ITPR2: variants seen among roughly 807,000 people sequenced by gnomAD.
ITPR2 encodes inositol 1,4,5-trisphosphate receptor type 2, also known as inositol 1,4,5-trisphosphate-gated calcium channel ITPR2.
In ITPR2, 207 loss-of-function variants were observed where a neutral mutation model predicts 317.1. The ratio of observed to expected loss-of-function variants is 0.65; its 90% confidence interval spans 0.58 to 0.73. The LOEUF (loss-of-function observed/expected upper bound fraction) is 0.73, where lower values mean the gene tolerates loss of function less well. ITPR2 is among the 30% of genes least tolerant of loss of function. The probability of loss-of-function intolerance (pLI) is 0.00; values close to 1 mark genes in which losing one functional copy is unlikely to be tolerated. For synonymous variants in ITPR2, 1,156 were observed against 1,149.1 expected, an observed-to-expected ratio of 1.01 and a Z score of -0.12; for missense variants, 2,613 against 3,284.0, an observed-to-expected ratio of 0.80 and a Z score of 4.99.
rs186586652 is a variant in ITPR2, at chr12:26,476,828, C to G, written c.6219+84G>C. On this transcript the variant is annotated intron_variant, in intron 44 of 56. Transcript: ENST00000381340. ...TCTTGGTAGAGCAATGAAAATCAATCAACTTTTTTTTCTGACATGCATTCT... is the reference window on the plus strand; with the variant it reads ...TCTTGGTAGAGCAATGAAAATCAATGAACTTTTTTTTCTGACATGCATTCT... 11 of 798,396 alleles carry G rather than the reference C, an allele frequency of 1.4e-5. No homozygotes were observed. The East Asian group carries it at 2.3e-4, about 17-fold the overall frequency. 49.5% of individuals were successfully genotyped at this position (798,396 alleles called of 1,614,324 possible). A position where few individuals can be genotyped will look rare whatever the true frequency, so the allele number is the denominator to read the frequency against.
At chr12:26,590,912 T>C (rs959233218) in intron 32 of ITPR2, among the ~76,000 whole-genome samples, 1 of 151,834 alleles carries the variant, frequency 6.6e-6, no homozygotes, top group Non-Finnish European at 1.5e-5. Flanking sequence ...AAACCCCGTC[T>C]CTACTAAAAA....
chr12:26,658,271 GTTGT>G (rs552422724), intron 16 of ITPR2, 141 bp from the exon 17 acceptor site: 58 of 467,674 alleles, frequency 1.2e-4, no homozygotes, highest in Non-Finnish European at 1.9e-4. Flanking sequence ...TGTCTAATGT[GTTGT>G]TTATCTACTG....
intron 28 of ITPR2, among the ~76,000 whole-genome samples, chr12:26,601,138 T>G (rs1217458951): frequency 6.6e-6 from 1 of 152,198 alleles, no homozygotes; most frequent in African/African-American, 2.4e-5. Context: ...TGTGACAACA[T>G]CAGTGAAACT....
chr12:26,446,613 T>C (rs903307659), intron 45 of ITPR2, among the ~76,000 whole-genome samples: 4 of 151,642 alleles, frequency 2.6e-5, no homozygotes, highest in African/African-American at 9.7e-5. Flanking sequence ...TCAGTTAATA[T>C]ATACAGCTTA....
chr12:26,568,702 C>CATTA, intron 34 of ITPR2, among the ~76,000 whole-genome samples: 1 of 152,184 alleles, frequency 6.6e-6, no homozygotes, highest in Admixed American at 6.5e-5. Context: ...AAAGTGTAAG[C>CATTA]ATTAATTAGA....
At chr12:26,456,076 C>G (rs1446524826) in intron 45 of ITPR2, among the ~76,000 whole-genome samples, 1 of 152,188 alleles carries the variant, frequency 6.6e-6, no homozygotes, top group African/African-American at 2.4e-5. Context: ...GTAACTCCAT[C>G]TTAAACGGGG....
intron 37 of ITPR2, among the ~76,000 whole-genome samples, chr12:26,497,869 C>A (rs371985999): frequency 1.1e-4 from 17 of 152,206 alleles, no homozygotes; most frequent in African/African-American, 3.1e-4. Context: ...CACCACCACG[C>A]CTGGCTAATT....
At chr12:26,698,744 G>A (rs1478772313) in intron 9 of ITPR2, among the ~76,000 whole-genome samples, 2 of 152,116 alleles carry the variant, frequency 1.3e-5, no homozygotes, top group Non-Finnish European at 2.9e-5. Context: ...GATTCCTTAA[G>A]TTCCCTTGAA....
intron 11 of ITPR2, among the ~76,000 whole-genome samples, chr12:26,686,022 T>C (rs955269318): frequency 3.3e-5 from 5 of 152,234 alleles, no homozygotes; most frequent in African/African-American, 1.2e-4. Flanking sequence ...AATGTGAGAA[T>C]ATAACCAGTT....
At chr12:26,756,821 T>A (rs1949529955) in intron 2 of ITPR2, among the ~76,000 whole-genome samples, 1 of 152,146 alleles carries the variant, frequency 6.6e-6, no homozygotes, top group Non-Finnish European at 1.5e-5. Flanking sequence ...AGCAACTCCA[T>A]CTTGAATAGG....
chr12:26,723,231 CATTT>C (rs1298700698), intron 4 of ITPR2, among the ~76,000 whole-genome samples: 1 of 152,060 alleles, frequency 6.6e-6, no homozygotes, highest in African/African-American at 2.4e-5. Context: ...AAACAATGGT[CATTT>C]TAGTACTCAC....
chr12:26,514,903 T>G (rs755084754), intron 37 of ITPR2, among the ~76,000 whole-genome samples: 77 of 152,360 alleles, frequency 5.1e-4, no homozygotes, highest in Middle Eastern at 6.8e-3. Context: ...TTATTTCTAC[T>G]GTCTGGAACT....
chr12:26,469,759 A>G (rs182463954), intron 45 of ITPR2, among the ~76,000 whole-genome samples: 1 of 152,220 alleles, frequency 6.6e-6, no homozygotes, highest in East Asian at 1.9e-4. Flanking sequence ...AATGAAAGAA[A>G]GAACAAGAAA....
intron 2 of ITPR2, among the ~76,000 whole-genome samples, chr12:26,754,902 T>C (rs1949493331): frequency 6.6e-6 from 1 of 152,244 alleles, no homozygotes; most frequent in African/African-American, 2.4e-5. Flanking sequence ...CTGATTAAGA[T>C]TGAATACATT....
rs1055368072 is a variant in ITPR2 at position 26,831,092 on chromosome 12, C to T, written c.92+1598G>A. Reference sequence around the variant, plus strand: ...CACACACACACACCTGGAGAGTCTACGGAGGGTGAAGAGCAGCAGAGTCCA... The same window carrying T: ...CACACACACACACCTGGAGAGTCTATGGAGGGTGAAGAGCAGCAGAGTCCA... On this transcript the variant is annotated intron_variant, in intron 1 of 56. Transcript: ENST00000381340. The surrounding 1 kb of genome is among the most constrained non-coding windows in gnomAD (Gnocchi z 4.9). Among the ~76,000 whole-genome samples the T allele has an allele frequency of 6.6e-6, 1 of 152,150 alleles. No homozygotes were observed. Among genetic ancestry groups the T allele is most frequent in the Non-Finnish European group, 1.5e-5 (1 of 68,016 alleles).
chr12:26,550,455 G>A (rs554622592), intron 36 of ITPR2, 100 bp from the exon 37 acceptor site: 9 of 639,668 alleles, frequency 1.4e-5, no homozygotes, highest in Non-Finnish European at 2.5e-5. Context: ...ACAATTATTT[G>A]AGAATATGAA....
At chr12:26,655,541 G>A (rs745635244) in intron 20 of ITPR2, among the ~76,000 whole-genome samples, 167 bp downstream of exon 20, 45 of 151,272 alleles carry the variant, frequency 3.0e-4, no homozygotes, top group Non-Finnish European at 5.4e-4. Flanking sequence ...GTGAACCCGG[G>A]AGGCGGAGCT....
chr12:26,802,334 AG>A (rs1453270104), intron 1 of ITPR2, among the ~76,000 whole-genome samples: 2 of 151,974 alleles, frequency 1.3e-5, no homozygotes, highest in Non-Finnish European at 2.9e-5. Flanking sequence ...AAAAAAGAAA[AG>A]TATAGTAGCA....
Position 26,602,682 on chromosome 12 carries a change from G to T in ITPR2, c.3487C>A (p.Gln1163Lys). ...ATCTGAGGTTTCTTTGTTCCATCCT[G>T]CACTGGACTTAAAATGTTTGATTCC... ...IEESNILSPV[Q>K]DGTKKPQIDS... Residue 1163 changes from glutamine (Q) to lysine (K), a missense_variant, in exon 27 of 57, where the codon CAG (glutamine) becomes AAG (lysine). Transcript: ENST00000381340. 6.2e-7 allele frequency: 1 copy of T among 1,603,428 alleles called. No individual in the cohort carries two copies. Among genetic ancestry groups the T allele is most frequent in the East Asian group, 2.2e-5 (1 of 44,688 alleles).
Sources: gnomAD v4.1 joint callset for allele counts (sites outside exome capture counted in the v4.1 genomes callset) on GRCh38, gnomAD v4.1.1 for gene constraint, Gnocchi (gnomAD v3.1) non-coding constraint, MANE v1.5 for transcripts, NCBI Gene and HGNC (gene_info 2026-07-23, HGNC 2026-07-21) for gene names.